NXNL2: variants seen among roughly 807,000 people sequenced by gnomAD.
NXNL2 encodes nucleoredoxin like 2, also known as nucleoredoxin-like protein 2.
A neutral mutation model predicts 11.1 loss-of-function variants in NXNL2; 7 were observed. That is an observed-to-expected ratio of 0.63 (90% CI 0.36 to 1.18). The LOEUF (loss-of-function observed/expected upper bound fraction) is 1.18, where lower values mean the gene tolerates loss of function less well. Ranked by LOEUF, NXNL2 falls within the 50% of genes most tolerant of loss-of-function variation. The pLI is 0.02. For synonymous variants in NXNL2, 109 were observed against 101.8 expected (o/e 1.07, Z -0.42); for missense variants, 233 against 217.7 (o/e 1.07, Z -0.44).
At chr9:88,583,711 T>C (rs1267249519) in intron 1 of NXNL2, among the ~76,000 whole-genome samples, 1 of 152,208 alleles carries the variant, frequency 6.6e-6, no homozygotes, top group African/African-American at 2.4e-5. Context: ...CCCAATGTGA[T>C]TGTGTCTGGA....
At chr9:88,547,735 G>A (rs1829864452), downstream of NXNL2, among the ~76,000 whole-genome samples, 1 of 152,146 alleles carries the variant, frequency 6.6e-6, no homozygotes, top group Admixed American at 6.5e-5. Context: ...GAATTATCTG[G>A]GCTGGGCATG....
chr9:88,536,434 G>A (rs1029259715), intron 1 of NXNL2, among the ~76,000 whole-genome samples: 1 of 152,090 alleles, frequency 6.6e-6, no homozygotes, highest in Non-Finnish European at 1.5e-5. Context: ...TGGCAGAGAG[G>A]GGATTACAGG....
intron 1 of NXNL2, among the ~76,000 whole-genome samples, chr9:88,559,709 A>G (rs144952838): frequency 6.6e-6 from 1 of 152,258 alleles, no homozygotes; most frequent in African/African-American, 2.4e-5. Flanking sequence ...TAAATCCCAC[A>G]CTTCAGAACA....
intron 1 of NXNL2, among the ~76,000 whole-genome samples, chr9:88,567,254 T>C (rs1396462496): frequency 6.6e-6 from 1 of 152,140 alleles, no homozygotes; most frequent in African/African-American, 2.4e-5. Flanking sequence ...TTCTCCGGCC[T>C]CAACCTCCTG....
chr9:88,569,000 C>G (rs1047334846), intron 1 of NXNL2, among the ~76,000 whole-genome samples: 1 of 152,130 alleles, frequency 6.6e-6, no homozygotes, highest in Non-Finnish European at 1.5e-5. Flanking sequence ...AATCATGGCT[C>G]ACTGCAGCCT....
At chr9:88,539,098 A>G (rs1829693456) in intron 1 of NXNL2, among the ~76,000 whole-genome samples, 1 of 152,190 alleles carries the variant, frequency 6.6e-6, no homozygotes, top group South Asian at 2.1e-4. Flanking sequence ...GGGGATGCAG[A>G]AAGCCCTGGA....
downstream of NXNL2, among the ~76,000 whole-genome samples, chr9:88,545,566 T>C (rs1430916136): frequency 1.3e-5 from 2 of 152,044 alleles, no homozygotes; most frequent in Non-Finnish European, 2.9e-5. Context: ...TGTTAATTAA[T>C]TAGTCCCTTC....
chr9:88,564,240 G>GTCTATCTATCTATCTA (rs201758132), intron 1 of NXNL2, among the ~76,000 whole-genome samples: 1 of 139,650 alleles, frequency 7.2e-6, no homozygotes, highest in African/African-American at 2.8e-5. Context: ...CTCTGATGTT[G>GTCTATCTATCTATCTA]TCTATCTATC....
At chr9:88,556,175 G>T (rs1830008739) in intron 1 of NXNL2, among the ~76,000 whole-genome samples, 2 of 152,302 alleles carry the variant, frequency 1.3e-5, no homozygotes, top group African/African-American at 4.8e-5. Flanking sequence ...TGGTGAATGG[G>T]AGTGCATCAC....
Position 88,535,364 on chromosome 9 carries a change from C to A in NXNL2, c.-71C>A. 1 of 1,416,704 alleles carries A rather than the reference C, an allele frequency of 7.1e-7. No individual in the cohort carries two copies. The highest frequency in any genetic ancestry group is 9.3e-7 in the Non-Finnish European group (1 of 1,075,840). The allele number at this position is 1,416,704 out of a possible 1,614,324, so 87.8% of individuals were successfully genotyped here. A position where few individuals can be genotyped will look rare whatever the true frequency, so the allele number is the denominator to read the frequency against. On this transcript the variant is annotated 5_prime_UTR_variant, in exon 1 of 2. Coordinates refer to ENST00000375854, the MANE Select transcript of NXNL2 (RefSeq NM_001161625.2). ...CAGAGGCGGGGCACCGCGGCGCTCGCCGCCGCCTCCCCGCAGGTGATCATC... is the reference window on the plus strand; with the variant it reads ...CAGAGGCGGGGCACCGCGGCGCTCGACGCCGCCTCCCCGCAGGTGATCATC...
downstream of NXNL2, among the ~76,000 whole-genome samples, chr9:88,549,093 GC>G (rs1829891168): frequency 6.6e-6 from 1 of 152,208 alleles, no homozygotes; most frequent in South Asian, 2.1e-4. Flanking sequence ...TGTGATAGCA[GC>G]CTGAACAGAC....
Position 88,535,619 on chromosome 9 carries a change from C to T in NXNL2, c.185C>T (p.Pro62Leu). The change falls in exon 1 of 2, where the codon CCC (proline) becomes CTC (leucine). Residue 62 changes from proline (P) to leucine (L), a missense_variant. Physicochemically the swap from Pro to Leu is moderately conservative, Grantham distance 98. Transcript: ENST00000375854. ...GCGCTGGTGGCCGAGGCGCGGCGGC[C>T]CGCGCCCTTCGAAGTGGTCTTCGTG... is the stretch of plus-strand genomic sequence containing the variant. ...YTALVAEARR[P>L]APFEVVFVSA... 6.2e-7 allele frequency: 1 copy of T among 1,608,848 alleles called. No homozygotes were observed. The highest frequency in any genetic ancestry group is 8.5e-7 in the Non-Finnish European group (1 of 1,179,346).
intron 1 of NXNL2, among the ~76,000 whole-genome samples, chr9:88,569,663 C>T (rs1830229631): frequency 6.6e-6 from 1 of 152,128 alleles, no homozygotes; most frequent in Non-Finnish European, 1.5e-5. Flanking sequence ...AAATTTTAAT[C>T]AGGAATTCTG....
chr9:88,567,592 ATTAAC>A (rs1830195228), intron 1 of NXNL2, among the ~76,000 whole-genome samples: 1 of 152,226 alleles, frequency 6.6e-6, no homozygotes, highest in African/African-American at 2.4e-5. Flanking sequence ...TTGGACTACA[ATTAAC>A]TTCAAGATGA....
At chr9:88,577,902 G>A (rs72757738), downstream of NXNL2, among the ~76,000 whole-genome samples, 1 of 152,304 alleles carries the variant, frequency 6.6e-6, no homozygotes, top group Non-Finnish European at 1.5e-5. Context: ...TGGGTCCAGC[G>A]GTGGGTCTGG....
intron 1 of NXNL2, among the ~76,000 whole-genome samples, chr9:88,540,042 GTGT>G (rs1241425004): frequency 6.6e-6 from 1 of 151,864 alleles, no homozygotes; most frequent in Non-Finnish European, 1.5e-5. Flanking sequence ...TAAATTTTAG[GTGT>G]TGTGCGGCCG....
chr9:88,581,803 T>A (rs1209559496), intron 1 of NXNL2, among the ~76,000 whole-genome samples: 1 of 152,196 alleles, frequency 6.6e-6, no homozygotes, highest in Non-Finnish European at 1.5e-5. Flanking sequence ...TGTTTCCAGA[T>A]CAGTAAGAAC....
intron 1 of NXNL2, among the ~76,000 whole-genome samples, chr9:88,582,332 G>A (rs1217430749): frequency 6.6e-6 from 1 of 152,238 alleles, no homozygotes; most frequent in Non-Finnish European, 1.5e-5. Context: ...AGCTGGGCAT[G>A]GTGGCGGGCG....
intron 1 of NXNL2, among the ~76,000 whole-genome samples, chr9:88,551,283 C>T (rs913174371): frequency 3.9e-5 from 6 of 152,062 alleles, no homozygotes; most frequent in East Asian, 1.9e-4. Flanking sequence ...CTTTGTCTTT[C>T]GGCATTTCCT....
Sources: allele counts gnomAD v4.1 joint callset (sites outside exome capture counted in the v4.1 genomes callset), GRCh38; gene constraint gnomAD v4.1.1; transcripts MANE v1.5; gene names NCBI Gene and HGNC (gene_info 2026-07-23, HGNC 2026-07-21).